The following POM121L2 variants were observed in gnomAD, a reference collection of about 807,000 sequenced individuals.
POM121L2 encodes POM121-like protein 2.
For synonymous variants in POM121L2, 459 were observed against 483.8 expected (o/e 0.95, Z 0.67); for missense variants, 1,167 against 1,260.3 (o/e 0.93, Z 1.12).
In POM121L2 at chr6:27,309,477, C is replaced by T; in HGVS notation, c.2694G>A (p.Met898Ile). ...TTATGATCCCAGACTCATCACAGTCCATAGGGGTCACGAATCCCCCAAAAG... is the reference window on the plus strand; with the variant it reads ...TTATGATCCCAGACTCATCACAGTCTATAGGGGTCACGAATCCCCCAAAAG... ...PFTFGGFVTP[M>I]DCDESGIIMT... The change falls in exon 1 of 1, where the codon ATG becomes ATA. Residue 898 changes from methionine to isoleucine, a missense_variant. Transcript: ENST00000444565. 6.4e-7 allele frequency: 1 copy of T among 1,551,856 alleles called. No individual in the cohort carries two copies. The highest frequency in any genetic ancestry group is 8.7e-7 in the Non-Finnish European group (1 of 1,147,028).
In POM121L2 at chr6:27,310,652, T is replaced by C; in HGVS notation, c.1519A>G (p.Thr507Ala). 6.4e-7 allele frequency: 1 copy of C among 1,551,846 alleles called. No individual in the cohort carries two copies. The highest frequency in any genetic ancestry group is 8.7e-7 in the Non-Finnish European group (1 of 1,147,030). ...DPPAPPTIQS[T>A]LLGMVSSPTS... ...GGGCTACTCACCATTCCAAGCAAAG[T>C]ACTTTGGATGGTGGGTGGTGCAGGT... is the stretch of plus-strand genomic sequence containing the variant. The change falls in exon 1 of 1, where the codon ACT becomes GCT. Residue 507 changes from threonine to alanine, a missense_variant. Coordinates refer to ENST00000444565, the MANE Select transcript of POM121L2 (RefSeq NM_033482.4).
At chr6:27,309,260 G>A (rs1760710118) in intron 1 of POM121L2, 1 of 1,551,678 alleles carries the variant, frequency 6.4e-7, no homozygotes, top group African/African-American at 1.4e-5. Context: ...GGGGTGTTTT[G>A]AGCAATGGGG....
rs528122927 is a variant in POM121L2, at chr6:27,309,062, G to T, written c.*1C>A. 3 of 1,546,366 alleles carry T rather than the reference G, an allele frequency of 1.9e-6. No homozygotes were observed. Among genetic ancestry groups the T allele is most frequent in the Non-Finnish European group, 2.6e-6 (3 of 1,143,840 alleles). On this transcript the variant is annotated 3_prime_UTR_variant, in exon 1 of 1. Coordinates refer to ENST00000444565, the MANE Select transcript of POM121L2 (RefSeq NM_033482.4). ...AGGGTGCAAGTGACAGGGAACACAGGCTACTTCTTGTAGGCATGATGCCTT... is the reference window on the plus strand; with the variant it reads ...AGGGTGCAAGTGACAGGGAACACAGTCTACTTCTTGTAGGCATGATGCCTT...
chr6:27,308,889 G>C lies in POM121L2; in HGVS notation c.*174C>G, dbSNP rs1170999157. 6.6e-6 allele frequency among the ~76,000 whole-genome samples: 1 copy of C among 152,214 alleles called. No individual in the cohort carries two copies. The highest frequency in any genetic ancestry group is 1.5e-5 in the Non-Finnish European group (1 of 68,044). On this transcript the variant is annotated 3_prime_UTR_variant, in exon 1 of 1. Coordinates refer to ENST00000444565, the MANE Select transcript of POM121L2 (RefSeq NM_033482.4). ...TGGCCTCAATCTGCAATCAGCACTA[G>C]ATGGTTTAGTCCTTCACTTTCGTCA...
chr6:27,312,026 G>A lies in POM121L2; in HGVS notation c.145C>T (p.Pro49Ser), dbSNP rs61736098. The change falls in exon 1 of 1, where the codon CCT becomes TCT. Residue 49 changes from proline (P) to serine (S), a missense_variant. By Grantham distance (74) the Pro-to-Ser change is moderately conservative. Transcript: ENST00000444565. The surrounding 1 kb of genome is among the most constrained non-coding windows in gnomAD (Gnocchi z 6.7). The stretch of plus-strand genomic sequence containing the variant: ...CTCACAGGTCTATACCGTGGGGCAG[G>A]GTGGGCGCGGTGGACGAACTGAACC... ...HRVQFVHRAH[P>S]APRYRPVRRR... 2.3e-5 allele frequency: 36 copies of A among 1,533,576 alleles called. No homozygotes were observed. Among genetic ancestry groups the A allele is most frequent in the Non-Finnish European group, 2.8e-5 (32 of 1,136,154 alleles). The allele number at this position is 1,533,576 out of a possible 1,614,324, so 95.0% of individuals were successfully genotyped here.
rs145213207 is a variant in POM121L2 at position 27,309,370 on chromosome 6, G to T, written c.2801C>A (p.Pro934His). The T allele has an allele frequency of 6.4e-7, 1 of 1,551,590 alleles. No homozygotes were observed. Among genetic ancestry groups the T allele is most frequent in the Non-Finnish European group, 8.7e-7 (1 of 1,146,952 alleles). ...LPSGTTNTMI[P>H]FGKGWSQNTE... is the part of the protein sequence containing the mutation. ...GTTCTGGCTCCAGCCTTTTCCAAAG[G>T]GGATCATGGTGTTAGTGGTCCCACT... Residue 934 changes from proline to histidine, a missense_variant, in exon 1 of 1, where the codon CCC (proline) becomes CAC (histidine). Pro to His is a moderately conservative substitution (Grantham distance 77). Coordinates refer to ENST00000444565, the MANE Select transcript of POM121L2 (RefSeq NM_033482.4).
Position 27,311,427 on chromosome 6 carries a change from G to T in POM121L2, c.744C>A (p.Thr248=). The T allele has an allele frequency of 6.4e-7, 1 of 1,551,752 alleles. No individual in the cohort carries two copies. The highest frequency in any genetic ancestry group is 8.7e-7 in the Non-Finnish European group (1 of 1,147,022). ...SSLASIYRGG[T]LSSKRNAIGS... The stretch of plus-strand genomic sequence containing the variant: ...CAATAGCATTCCTTTTGGAGCTGAG[G>T]GTGCCACCTCTGTATATGCTGGCCA... The change falls in exon 1 of 1, where the codon ACC becomes ACA. Residue 248 remains threonine (T), a synonymous_variant. Transcript: ENST00000444565.
In POM121L2 at chr6:27,309,953, C is replaced by A; in HGVS notation, c.2218G>T (p.Ala740Ser). The part of the protein sequence containing the change: ...ASALVSTNWL[A>S]STPSISNLTP... ...AGGTTGGAGATGCTGGGGGTTGATG[C>A]AAGCCAGTTTGTGGATACTAGGGCA... is the stretch of plus-strand genomic sequence containing the variant. Residue 740 changes from alanine to serine, a missense_variant, in exon 1 of 1, where the codon GCA becomes TCA. Coordinates refer to ENST00000444565, the MANE Select transcript of POM121L2 (RefSeq NM_033482.4). 6.4e-7 allele frequency: 1 copy of A among 1,551,816 alleles called. No individual in the cohort carries two copies. The highest frequency in any genetic ancestry group is 8.7e-7 in the Non-Finnish European group (1 of 1,147,030).
At position 27,311,631 on chromosome 6, in the gene POM121L2, C is replaced by G; in HGVS notation, c.540G>C (p.Glu180Asp). Residue 180 changes from glutamate to aspartate, a missense_variant, in exon 1 of 1, where the codon GAG becomes GAC. Physicochemically the swap from Glu to Asp is conservative, Grantham distance 45 (BLOSUM62 2). Transcript: ENST00000444565. ...GACTCCTTCTCTTACTGTCCAGACT[C>G]TCAGGGAATAGTGGTTCTTCCAACC... ...KGRLEEPLFPESLDSKRRSPE... is the reference protein window; with the variant it reads ...KGRLEEPLFPDSLDSKRRSPE... 1 of 1,551,828 alleles carries G rather than the reference C, an allele frequency of 6.4e-7. No individual in the cohort carries two copies. Among genetic ancestry groups the G allele is most frequent in the Non-Finnish European group, 8.7e-7 (1 of 1,147,018 alleles).
chr6:27,309,158 A>T lies in POM121L2; in HGVS notation c.3013T>A (p.Ser1005Thr). 6.4e-7 allele frequency: 1 copy of T among 1,551,756 alleles called. No individual in the cohort carries two copies. The highest frequency in any genetic ancestry group is 8.7e-7 in the Non-Finnish European group (1 of 1,147,024). The change falls in exon 1 of 1, where the codon TCA becomes ACA. Residue 1005 changes from serine to threonine, a missense_variant. By Grantham distance (58) the Ser-to-Thr change is moderately conservative (BLOSUM62 1). Coordinates refer to ENST00000444565, the MANE Select transcript of POM121L2 (RefSeq NM_033482.4). ...CCAATGGAAAATGAAGAGGCTGATGATCTAAAAGGTCCTCTCCCAACAGAG... is the reference window on the plus strand; with the variant it reads ...CCAATGGAAAATGAAGAGGCTGATGTTCTAAAAGGTCCTCTCCCAACAGAG... ...QGSVGRGPFR[S>T]SASSFSIGAK... is the part of the protein sequence containing the mutation.
At position 27,312,070 on chromosome 6, in the gene POM121L2, G is replaced by C; in HGVS notation, c.101C>G (p.Pro34Arg). Residue 34 changes from proline to arginine, a missense_variant, in exon 1 of 1, where the codon CCC becomes CGC. Coordinates refer to ENST00000444565, the MANE Select transcript of POM121L2 (RefSeq NM_033482.4). This position sits in a 1 kb window ranked among gnomAD's most constrained non-coding sequence, Gnocchi z 6.7. ...ERPTKRRPPQ[P>R]LHQVHRVQFV... ...CTGAACCCGATGAACTTGGTGAAGG[G>C]GCTGAGGTGGCCGGCGTTTCGTGGG... The C allele has an allele frequency of 1.3e-6, 2 of 1,506,350 alleles. No individual in the cohort carries two copies. The allele number at this position is 1,506,350 out of a possible 1,614,324, so 93.3% of individuals were successfully genotyped here.
chr6:27,310,713 G>A lies in POM121L2; in HGVS notation c.1458C>T (p.Thr486=), dbSNP rs1453227238. Residue 486 remains threonine, a synonymous_variant, in exon 1 of 1, where the codon ACC becomes ACT. Coordinates refer to ENST00000444565, the MANE Select transcript of POM121L2 (RefSeq NM_033482.4). ...PVTDTTWPPS[T]SQADRSPMPP... ...GCATGGGAGACCTGTCAGCCTGAGA[G>A]GTTGAAGGCGGCCAGGTGGTGTCAG... The A allele has an allele frequency of 3.9e-6, 6 of 1,551,816 alleles. No individual in the cohort carries two copies. Among genetic ancestry groups the A allele is most frequent in the Admixed American group, 2.0e-5 (1 of 50,982 alleles).
Position 27,309,763 on chromosome 6 carries a change from C to T in POM121L2, c.2408G>A (p.Ser803Asn), listed in dbSNP as rs1274958537. Residue 803 changes from serine to asparagine, a missense_variant, in exon 1 of 1, where the codon AGC becomes AAC. Transcript: ENST00000444565. ...PSVSSSFLFG[S>N]SAVALPTPMP... is the part of the protein sequence containing the mutation. ...GGGGGTTGGCAATGCCACTGCTGAG[C>T]TCCCAAAAAGAAAAGAACTACTGAC... The T allele has an allele frequency of 6.4e-7, 1 of 1,551,688 alleles. No homozygotes were observed. Among genetic ancestry groups the T allele is most frequent in the East Asian group, 2.4e-5 (1 of 40,916 alleles).
In POM121L2 at chr6:27,311,181, G is replaced by A. The variant is rs1386332698; in HGVS notation, c.990C>T (p.Asn330=). 3 of 1,551,984 alleles carry A rather than the reference G, an allele frequency of 1.9e-6. No homozygotes were observed. Among genetic ancestry groups the A allele is most frequent in the South Asian group, 2.4e-5 (2 of 84,068 alleles). Residue 330 remains asparagine (N), a synonymous_variant, in exon 1 of 1, where the codon AAC becomes AAT. Transcript: ENST00000444565. ...KIPQLPSSPE[N]LVSEIPPPQL... is the part of the protein sequence containing the mutation. ...GGGGAGGTGGGATCTCTGACACCAGGTTCTCAGGGCTAGACGGCAGCTGTG... is the reference window on the plus strand; with the variant it reads ...GGGGAGGTGGGATCTCTGACACCAGATTCTCAGGGCTAGACGGCAGCTGTG...
In POM121L2 at chr6:27,309,367, A is replaced by C; in HGVS notation, c.2804T>G (p.Phe935Cys). Reference sequence around the variant, plus strand: ...AGTGTTCTGGCTCCAGCCTTTTCCAAAGGGGATCATGGTGTTAGTGGTCCC... The same window carrying C: ...AGTGTTCTGGCTCCAGCCTTTTCCACAGGGGATCATGGTGTTAGTGGTCCC... ...PSGTTNTMIP[F>C]GKGWSQNTEG... is the part of the protein sequence containing the mutation. Residue 935 changes from phenylalanine (F) to cysteine (C), a missense_variant, in exon 1 of 1, where the codon TTT becomes TGT. Coordinates refer to ENST00000444565, the MANE Select transcript of POM121L2 (RefSeq NM_033482.4). The C allele has an allele frequency of 1.3e-6, 2 of 1,551,606 alleles. No individual in the cohort carries two copies. The highest frequency in any genetic ancestry group is 1.7e-6 in the Non-Finnish European group (2 of 1,146,946).
At position 27,310,885 on chromosome 6, in the gene POM121L2, C is replaced by A. The variant is rs1187333368; in HGVS notation, c.1286G>T (p.Ser429Ile). The change falls in exon 1 of 1, where the codon AGT becomes ATT. Residue 429 changes from serine (S) to isoleucine (I), a missense_variant. By Grantham distance (142) the Ser-to-Ile change is moderately radical. Transcript: ENST00000444565. ...TGTCTTCAAAGGAGAATGGGCCACA[C>A]TGGTTGCCTCTCCCGTGGACTGTGG... ...ASPQSTGEAT[S>I]VAHSPLKTPS... The A allele has an allele frequency of 3.2e-6, 5 of 1,551,804 alleles. No homozygotes were observed. Among genetic ancestry groups the A allele is most frequent in the Non-Finnish European group, 4.4e-6 (5 of 1,147,002 alleles).
chr6:27,312,052 C>G lies in POM121L2; in HGVS notation c.119G>C (p.Arg40Pro), dbSNP rs1297777005. The G allele has an allele frequency of 6.6e-7, 1 of 1,523,148 alleles. No homozygotes were observed. The highest frequency in any genetic ancestry group is 8.8e-7 in the Non-Finnish European group (1 of 1,130,796). The allele number at this position is 1,523,148 out of a possible 1,614,324, so 94.4% of individuals were successfully genotyped here. Residue 40 changes from arginine (R) to proline (P), a missense_variant, in exon 1 of 1, where the codon CGG (arginine) becomes CCG (proline). By Grantham distance (103) the Arg-to-Pro change is moderately radical. Transcript: ENST00000444565. The surrounding 1 kb of genome is among the most constrained non-coding windows in gnomAD (Gnocchi z 6.7). ...GTGGGCGCGGTGGACGAACTGAACC[C>G]GATGAACTTGGTGAAGGGGCTGAGG... ...RPPQPLHQVHRVQFVHRAHPA... is the reference protein window; with the variant it reads ...RPPQPLHQVHPVQFVHRAHPA...
At position 27,309,189 on chromosome 6, in the gene POM121L2, G is replaced by C; in HGVS notation, c.2982C>G (p.Ala994=). Reference sequence around the variant, plus strand: ...AAGGTCCTCTCCCAACAGAGCCCTGGGCAGGTGGAAAAGGCATCCCAAAGC... The same window carrying C: ...AAGGTCCTCTCCCAACAGAGCCCTGCGCAGGTGGAAAAGGCATCCCAAAGC... The part of the protein sequence containing the change: ...SVGFGMPFPP[A]QGSVGRGPFR... Residue 994 remains alanine (A), a synonymous_variant, in exon 1 of 1, where the codon GCC becomes GCG. Transcript: ENST00000444565. The C allele has an allele frequency of 6.4e-7, 1 of 1,551,748 alleles. No homozygotes were observed. The highest frequency in any genetic ancestry group is 8.7e-7 in the Non-Finnish European group (1 of 1,147,006).
Position 27,309,894 on chromosome 6 carries a change from G to A in POM121L2, c.2277C>T (p.Ser759=). The change falls in exon 1 of 1, where the codon AGC becomes AGT. Residue 759 remains serine, a synonymous_variant. Transcript: ENST00000444565. ...GGGATAGTGGGAAAGGTGGCCTTGA[G>A]CTTGATCCCAAGGGACTTGTGATTG... is the stretch of plus-strand genomic sequence containing the variant. ...TPAITSPLGS[S]SRPPFPLSQG... 2 of 1,551,758 alleles carry A rather than the reference G, an allele frequency of 1.3e-6. No individual in the cohort carries two copies. The highest frequency in any genetic ancestry group is 1.7e-6 in the Non-Finnish European group (2 of 1,147,016).
Sources: gnomAD v4.1 joint callset for allele counts (sites outside exome capture counted in the v4.1 genomes callset) on GRCh38, gnomAD v4.1.1 for gene constraint, Gnocchi (gnomAD v3.1) non-coding constraint, MANE v1.5 for transcripts, NCBI Gene and HGNC (gene_info 2026-07-23, HGNC 2026-07-21) for gene names.